EML1: variants seen among roughly 807,000 people sequenced by gnomAD.
EML1 encodes echinoderm microtubule-associated protein-like 1.
EML1 carries 27 observed loss-of-function variants against 110.4 expected under a neutral mutation model. That is an observed-to-expected ratio of 0.24 (90% CI 0.18 to 0.34). The LOEUF is 0.34. Among genes scored for constraint, EML1 ranks in the 10% least tolerant of loss-of-function variants. The pLI is 1.00. For missense variants in EML1, 741 were observed against 1,030.9 expected, an observed-to-expected ratio of 0.72 and a Z score of 3.85; for synonymous variants, 344 against 385.8, an observed-to-expected ratio of 0.89 and a Z score of 1.27.
rs563957904 is a variant in EML1 at position 99,935,030 on chromosome 14, T to G, written c.1910-999T>G. On this transcript the variant is annotated intron_variant, in intron 17 of 21. Transcript: ENST00000262233. ...GGCTGTCCAGGCAGAGAGCAGTGAG[T>G]GCAGAGGCCTGAGTGAACCCGTGTG... Among the ~76,000 whole-genome samples the G allele has an allele frequency of 2.6e-5, 4 of 152,190 alleles. No individual in the cohort carries two copies. In the South Asian group the frequency reaches 8.3e-4, roughly 32 times the overall value.
upstream of EML1, chr14:99,793,388 C>T (rs2057705372): frequency 4.0e-6 from 4 of 998,124 alleles, no homozygotes; most frequent in Admixed American, 6.2e-5. Context: ...CCAGCGCCAG[C>T]GCCGGTCGCG....
rs7144394 is a variant in EML1 at position 99,894,735 on chromosome 14, C to G, written c.654C>G (p.Thr218=). The G allele has an allele frequency of 5.8e-3, 9,414 of 1,612,764 alleles. 519 individuals are homozygous for G. The African/African-American group carries it at 0.11, about 19-fold the overall frequency. Residue 218 remains threonine, a synonymous_variant, in exon 6 of 22, where the codon ACC becomes ACG. Coordinates refer to ENST00000262233, the MANE Select transcript of EML1 (RefSeq NM_004434.3). ...TGGAAGCAAAAGTAGAACTTCCAAC[C>G]AAGAGACTCAAGCTGGAATGGGTGT... ...YSLEAKVELP[T]KRLKLEWVYG...
intron 1 of EML1, among the ~76,000 whole-genome samples, chr14:99,844,212 G>A (rs1379343653): frequency 6.6e-6 from 1 of 152,180 alleles, no homozygotes; most frequent in African/African-American, 2.4e-5. Context: ...CAGGCGCAGT[G>A]GCTCACACCT....
intron 1 of EML1, among the ~76,000 whole-genome samples, chr14:99,763,623 A>G (rs1170147901): frequency 6.6e-6 from 1 of 152,170 alleles, no homozygotes; most frequent in Non-Finnish European, 1.5e-5. Flanking sequence ...AGGAGCACTT[A>G]GACTCATGCC....
intron 4 of EML1, among the ~76,000 whole-genome samples, chr14:99,886,788 C>T (rs1280913459): frequency 2.0e-5 from 3 of 152,292 alleles, no homozygotes; most frequent in East Asian, 1.9e-4. Context: ...AGCAGATCCC[C>T]GCTCTGAGGC....
chr14:99,932,126 A>G (rs940486620), intron 17 of EML1, among the ~76,000 whole-genome samples: 3 of 152,196 alleles, frequency 2.0e-5, no homozygotes, highest in Non-Finnish European at 4.4e-5. Context: ...CTCCTGGGCC[A>G]TCTTTTCGTG....
chr14:99,794,325 A>C (rs897556542), intron 1 of EML1, among the ~76,000 whole-genome samples: 1 of 152,002 alleles, frequency 6.6e-6, no homozygotes, highest in Non-Finnish European at 1.5e-5. Flanking sequence ...ATTCACGCAC[A>C]AAAGTTAACC....
rs1235789625 is a variant in EML1, at chr14:99,894,671, C to T, written c.590C>T (p.Thr197Ile). 1.9e-6 allele frequency: 3 copies of T among 1,613,588 alleles called. No individual in the cohort carries two copies. Among genetic ancestry groups the T allele is most frequent in the Non-Finnish European group, 2.5e-6 (3 of 1,179,822 alleles). ...VKMFLRGRPV[T>I]MYMPKDQVDS... is the part of the protein sequence containing the mutation. ...ATGTTTCTTCGTGGACGCCCTGTTA[C>T]CATGTACATGCCCAAAGATCAAGTG... is the stretch of plus-strand genomic sequence containing the variant. Residue 197 changes from threonine (T) to isoleucine (I), a missense_variant, in exon 6 of 22, where the codon ACC becomes ATC. Thr to Ile is a moderately conservative substitution (Grantham distance 89). Coordinates refer to ENST00000262233, the MANE Select transcript of EML1 (RefSeq NM_004434.3).
In EML1 at chr14:99,901,018, C is replaced by A. The variant is rs758519340; in HGVS notation, c.987C>A (p.Thr329=). 2 of 1,613,986 alleles carry A rather than the reference C, an allele frequency of 1.2e-6. No homozygotes were observed. Among genetic ancestry groups the A allele is most frequent in the Non-Finnish European group, 1.7e-6 (2 of 1,179,980 alleles). Residue 329 remains threonine, a synonymous_variant, in exon 9 of 22, where the codon ACC becomes ACA. Coordinates refer to ENST00000262233, the MANE Select transcript of EML1 (RefSeq NM_004434.3). ...IGIGFFDRAV[T]CIAFSKSNGG... ...TAGGTTTTTTTGACCGAGCAGTCACCTGTATTGCATTCTCAAAATCTGTAA... is the reference window on the plus strand; with the variant it reads ...TAGGTTTTTTTGACCGAGCAGTCACATGTATTGCATTCTCAAAATCTGTAA...
At chr14:99,901,804 G>T (rs967741012) in intron 9 of EML1, among the ~76,000 whole-genome samples, 1 of 152,116 alleles carries the variant, frequency 6.6e-6, no homozygotes, top group African/African-American at 2.4e-5. Flanking sequence ...CCTGTACCTT[G>T]TGCCAACCTC....
At chr14:99,898,751 CAA>C (rs35606709) in intron 8 of EML1, among the ~76,000 whole-genome samples, 167 of 107,550 alleles carry the variant, frequency 1.6e-3, no homozygotes, top group African/African-American at 1.2e-3. Flanking sequence ...GACTAAGTCT[CAA>C]AAAAAAAAAA....
At chr14:99,881,860 A>G (rs1239947879) in intron 4 of EML1, among the ~76,000 whole-genome samples, 1 of 152,106 alleles carries the variant, frequency 6.6e-6, no homozygotes, top group African/African-American at 2.4e-5. Flanking sequence ...CGGCCTCCCA[A>G]AGTGCTGGGA....
chr14:99,878,667 C>G (rs201589050), intron 4 of EML1, 48 bp downstream of exon 4: 14 of 1,572,470 alleles, frequency 8.9e-6, no homozygotes, highest in Non-Finnish European at 1.2e-5. Flanking sequence ...TATGTTAGTA[C>G]GGCTTGTCCC....
At chr14:99,821,929 C>G (rs750482064) in intron 1 of EML1, among the ~76,000 whole-genome samples, 1 of 152,150 alleles carries the variant, frequency 6.6e-6, no homozygotes, top group Non-Finnish European at 1.5e-5. Context: ...TTGTTCACTC[C>G]CTATCAGGAG....
rs753199129 is a variant in EML1, at chr14:99,909,476, C to T, written c.1236C>T (p.Phe412=). Residue 412 remains phenylalanine (F), a synonymous_variant, in exon 11 of 22, where the codon TTC becomes TTT. Transcript: ENST00000262233. The part of the protein sequence containing the change: ...GSSLNKKQGL[F]EKQEKPKFVL... ...CCCTTAATAAGAAGCAAGGATTATT[C>T]GAGGTAAAGTTAAATTATGATTTTT... is the stretch of plus-strand genomic sequence containing the variant. The T allele has an allele frequency of 4.4e-5, 71 of 1,613,900 alleles. No homozygotes were observed. Among genetic ancestry groups the T allele is most frequent in the East Asian group, 1.1e-4 (5 of 44,876 alleles).
intron 1 of EML1, among the ~76,000 whole-genome samples, chr14:99,830,789 G>C (rs2139773859): frequency 6.6e-6 from 1 of 152,148 alleles, no homozygotes; most frequent in African/African-American, 2.4e-5. Flanking sequence ...GACCTCAGGT[G>C]ATCCGCCCGC....
chr14:99,842,566 GCAGATCTGA>G (rs2058649642), intron 1 of EML1, among the ~76,000 whole-genome samples: 1 of 152,154 alleles, frequency 6.6e-6, no homozygotes, highest in African/African-American at 2.4e-5. Flanking sequence ...GCTCTCCTAA[GCAGATCTGA>G]CATTTCAGTT....
chr14:99,930,397 C>G (rs1178333593), intron 17 of EML1, among the ~76,000 whole-genome samples: 1 of 152,198 alleles, frequency 6.6e-6, no homozygotes, highest in East Asian at 1.9e-4. Flanking sequence ...AAGCCAAGCC[C>G]TCCAGGAGTG....
rs1566861688 is a variant in EML1 at position 99,781,672 on chromosome 14, T to C, written c.-27+7659T>C. ...GCTTCCAAGGGGCTCCCATTGCCCA[T>C]AGACTAAGCCCAGCCTGTTAGTATG... On this transcript the variant is annotated intron_variant, in intron 1 of 22. Transcript: ENST00000327921. This position sits in a 1 kb window ranked among gnomAD's most constrained non-coding sequence, Gnocchi z 4.2. 1.3e-5 allele frequency among the ~76,000 whole-genome samples: 2 copies of C among 152,198 alleles called. No individual in the cohort carries two copies. The highest frequency in any genetic ancestry group is 3.9e-4 in the East Asian group (2 of 5,188).
Sources: allele counts gnomAD v4.1 joint callset (sites outside exome capture counted in the v4.1 genomes callset), GRCh38; gene constraint gnomAD v4.1.1; non-coding constraint Gnocchi (gnomAD v3.1); transcripts MANE v1.5; gene names NCBI Gene and HGNC (gene_info 2026-07-23, HGNC 2026-07-21).